ARID1A: variants seen among roughly 807,000 people sequenced by gnomAD.
ARID1A encodes AT-rich interaction domain 1A.
A neutral mutation model predicts 212.6 loss-of-function variants in ARID1A; 20 were observed. The ratio of observed to expected loss-of-function variants is 0.09; its 90% CI spans 0.07 to 0.14. The LOEUF (loss-of-function observed/expected upper bound fraction) is 0.14, where lower values mean the gene tolerates loss of function less well. Ranked by LOEUF, ARID1A falls within the 10% of genes least tolerant of loss-of-function variation. The pLI is 1.00. For synonymous variants in ARID1A, 1,376 were observed against 1,222.1 expected, an observed-to-expected ratio of 1.13 and a Z score of -2.63; for missense variants, 2,587 against 3,059.0, an observed-to-expected ratio of 0.85 and a Z score of 3.64.
Position 26,780,115 on chromosome 1 carries a change from C to T in ARID1A, c.6217C>T (p.Leu2073=), listed in dbSNP as rs2124146910. 1.9e-6 allele frequency: 3 copies of T among 1,614,158 alleles called. No individual in the cohort carries two copies. The highest frequency in any genetic ancestry group is 2.5e-6 in the Non-Finnish European group (3 of 1,180,038). The change falls in exon 20 of 20, where the codon CTA becomes TTA. Residue 2073 remains leucine, a synonymous_variant. Transcript: ENST00000324856. This position sits in a 1 kb window ranked among gnomAD's most constrained non-coding sequence, Gnocchi z 7.2. ...CGCCAACATCTCGGGGCAGTTGGAC[C>T]TATCTCCATACCCCGAGAGCATTTG... ...TLANISGQLD[L]SPYPESICLP... is the part of the protein sequence containing the mutation.
At chr1:26,715,246 A>C (rs1279449382) in intron 1 of ARID1A, among the ~76,000 whole-genome samples, 3 of 152,126 alleles carry the variant, frequency 2.0e-5, no homozygotes, top group African/African-American at 7.2e-5. Flanking sequence ...AAGAGGGAGG[A>C]GTATTTTAGA....
In ARID1A at chr1:26,767,882, T is replaced by C. The variant is rs200853803; in HGVS notation, c.3081T>C (p.Tyr1027=). The change falls in exon 11 of 20, where the codon TAT becomes TAC. Residue 1027 remains tyrosine (Y), a synonymous_variant. Coordinates refer to ENST00000324856, the MANE Select transcript of ARID1A (RefSeq NM_006015.6). ...AGAGGAAGATGTGGGTGGACCGTTATCTGGCCTTCACTGAGGAGAAGGCCA... is the reference window on the plus strand; with the variant it reads ...AGAGGAAGATGTGGGTGGACCGTTACCTGGCCTTCACTGAGGAGAAGGCCA... ...EPERKMWVDR[Y]LAFTEEKAMG... The C allele has an allele frequency of 2.6e-5, 42 of 1,614,190 alleles. No individual in the cohort carries two copies. In the East Asian group the frequency reaches 3.1e-4, roughly 12 times the overall value.
intron 19 of ARID1A, chr1:26,778,804 A>T (rs886180308): frequency 2.3e-6 from 1 of 426,822 alleles, no homozygotes; most frequent in African/African-American, 2.0e-5. Context: ...GTTCCTGGAG[A>T]TAGGCTTACG....
Position 26,760,978 on chromosome 1 carries a change from C to T in ARID1A, c.2043C>T (p.Phe681=). 1 of 1,614,084 alleles carries T rather than the reference C, an allele frequency of 6.2e-7. No individual in the cohort carries two copies. The highest frequency in any genetic ancestry group is 8.5e-7 in the Non-Finnish European group (1 of 1,180,024). Residue 681 remains phenylalanine, a synonymous_variant, in exon 5 of 20, where the codon TTC becomes TTT. Coordinates refer to ENST00000324856, the MANE Select transcript of ARID1A (RefSeq NM_006015.6). ...AGAGTAATCCAGCTCAGTCTCCTTTCTCTCCTCATACCTCCCCTCACCTGC... is the reference window on the plus strand; with the variant it reads ...AGAGTAATCCAGCTCAGTCTCCTTTTTCTCCTCATACCTCCCCTCACCTGC... The part of the protein sequence containing the change: ...GEQSNPAQSP[F]SPHTSPHLPG...
chr1:26,752,308 G>A (rs1000630648), intron 4 of ARID1A, among the ~76,000 whole-genome samples: 2 of 152,194 alleles, frequency 1.3e-5, no homozygotes, highest in East Asian at 1.9e-4. Context: ...TTAATCTGTT[G>A]GATTGAGACC....
In ARID1A at chr1:26,779,476, G is replaced by A. The variant is rs781684543; in HGVS notation, c.5578G>A (p.Glu1860Lys). Residue 1860 changes from glutamate (E) to lysine (K), a missense_variant, in exon 20 of 20, where the codon GAG becomes AAG. Physicochemically the swap from Glu to Lys is moderately conservative, Grantham distance 56 (BLOSUM62 1). Around this residue, in one of 11 missense-constraint regions of ARID1A, gnomAD observed 890 missense variants for 1,098.2 expected, o/e 0.81. Transcript: ENST00000324856. ...CACTGAGCATATCCAGACCCACTTC[G>A]AGAGCAAGACAGAGCTGCTGCCTTC... ...DTTEHIQTHFESKTELLPSRP... is the reference protein window; with the variant it reads ...DTTEHIQTHFKSKTELLPSRP... 3.7e-6 allele frequency: 6 copies of A among 1,614,078 alleles called. No homozygotes were observed. The highest frequency in any genetic ancestry group is 1.7e-5 in the Admixed American group (1 of 60,010).
rs2124153729 is a variant in ARID1A at position 26,780,752 on chromosome 1, C to A, written c.6854C>A (p.Ser2285Ter). 1.9e-6 allele frequency: 3 copies of A among 1,558,824 alleles called. No individual in the cohort carries two copies. Among genetic ancestry groups the A allele is most frequent in the South Asian group, 2.3e-5 (2 of 85,956 alleles). The stretch of plus-strand genomic sequence containing the variant: ...GATGTACTGTTTTTGATTGGCCAGT[C>A]ATGACAGCCGTGGGACACCTCCCCC... ...ICDVLFLIGQ[S>*] The change falls in exon 20 of 20, where the codon TCA becomes TAA. Residue 2285 changes from serine to a stop codon, truncating the protein, a stop_gained. Coordinates refer to ENST00000324856, the MANE Select transcript of ARID1A (RefSeq NM_006015.6). LOFTEE classifies it high-confidence loss of function. The surrounding 1 kb of genome is among the most constrained non-coding windows in gnomAD (Gnocchi z 7.2).
rs141670393 is a variant in ARID1A at position 26,774,878 on chromosome 1, C to T, written c.4651C>T (p.Arg1551Cys). Residue 1551 changes from arginine to cysteine, a missense_variant, in exon 18 of 20, where the codon CGC (arginine) becomes TGC (cysteine). Arg to Cys is a radical substitution (Grantham distance 180). This residue lies in a region of ARID1A where 890 missense variants were observed against 1,098.2 expected (regional missense o/e 0.81). Coordinates refer to ENST00000324856, the MANE Select transcript of ARID1A (RefSeq NM_006015.6). The surrounding 1 kb of genome is among the most constrained non-coding windows in gnomAD (Gnocchi z 5.6). ...HEGSWPSHGT[R>C]QPPYGPSAPV... ...AGGCTCGTGGCCTTCCCATGGCACA[C>T]GCCAGCCCCCATATGGTCCCTCTGC... is the stretch of plus-strand genomic sequence containing the variant. The T allele has an allele frequency of 1.9e-6, 3 of 1,592,194 alleles. No homozygotes were observed. The highest frequency in any genetic ancestry group is 2.6e-6 in the Non-Finnish European group (3 of 1,167,648).
intron 4 of ARID1A, among the ~76,000 whole-genome samples, chr1:26,738,876 GTT>G (rs35110787): frequency 0.01 from 1,182 of 116,596 alleles, 8 homozygotes; most frequent in African/African-American, 0.036. Flanking sequence ...CTTTTCTTTT[GTT>G]TTTTTTTTTT....
At chr1:26,777,682 C>A (rs1051225915) in intron 19 of ARID1A, among the ~76,000 whole-genome samples, 2 of 151,726 alleles carry the variant, frequency 1.3e-5, no homozygotes, top group Non-Finnish European at 2.9e-5. Flanking sequence ...CCTGTAATCC[C>A]AGCACTTCAG....
At chr1:26,725,142 A>G (rs1438873067) in intron 1 of ARID1A, among the ~76,000 whole-genome samples, 2 of 152,080 alleles carry the variant, frequency 1.3e-5, no homozygotes, top group Non-Finnish European at 2.9e-5. Context: ...GTGGTTTCCC[A>G]TTGAAAGGAT....
chr1:26,699,705 C>T (rs1413901514), intron 1 of ARID1A, among the ~76,000 whole-genome samples: 1 of 152,054 alleles, frequency 6.6e-6, no homozygotes, highest in Non-Finnish European at 1.5e-5. Flanking sequence ...CCTCTCATTC[C>T]CCTTGTTTTG....
At chr1:26,764,573 C>T (rs1417695949) in intron 8 of ARID1A, 2 of 152,122 alleles carry the variant, frequency 1.3e-5, no homozygotes, top group African/African-American at 4.8e-5. Context: ...CTAAATCTTA[C>T]TGAGTTGTTG....
chr1:26,754,165 T>A (rs2080908476), intron 4 of ARID1A, among the ~76,000 whole-genome samples: 1 of 152,208 alleles, frequency 6.6e-6, no homozygotes, highest in African/African-American at 2.4e-5. Context: ...TTAGGAACAT[T>A]GAGGTCTGAC....
At chr1:26,718,194 C>T (rs1247254390) in intron 1 of ARID1A, among the ~76,000 whole-genome samples, 3 of 152,138 alleles carry the variant, frequency 2.0e-5, no homozygotes, top group Non-Finnish European at 4.4e-5. Context: ...AGGCTGGTCT[C>T]GAACTCCCGA....
In ARID1A at chr1:26,781,618, T is replaced by C. The variant is rs1570624620; in HGVS notation, c.*862T>C. ...GGCTACGCTGCCACGTGTGTATATATATGACGTTGTACATTGCACATACCC... is the reference window on the plus strand; with the variant it reads ...GGCTACGCTGCCACGTGTGTATATACATGACGTTGTACATTGCACATACCC... On this transcript the variant is annotated 3_prime_UTR_variant, in exon 20 of 20. Coordinates refer to ENST00000324856, the MANE Select transcript of ARID1A (RefSeq NM_006015.6). 3 of 233,706 alleles carry C rather than the reference T, an allele frequency of 1.3e-5. No homozygotes were observed. Among genetic ancestry groups the C allele is most frequent in the African/African-American group, 2.2e-5 (1 of 45,462 alleles). 14.5% of individuals were successfully genotyped at this position (233,706 alleles called of 1,614,324 possible).
chr1:26,749,614 G>A (rs2080867407), intron 4 of ARID1A, among the ~76,000 whole-genome samples: 1 of 152,186 alleles, frequency 6.6e-6, no homozygotes, highest in Non-Finnish European at 1.5e-5. Flanking sequence ...CACCCAGAGG[G>A]TCAGACCTGC....
chr1:26,777,793 C>T (rs368637178), intron 19 of ARID1A, among the ~76,000 whole-genome samples: 1 of 151,876 alleles, frequency 6.6e-6, no homozygotes, highest in Non-Finnish European at 1.5e-5. Flanking sequence ...TTAGGCTGGG[C>T]GCAGTGGCTC....
chr1:26,722,821 C>G (rs1039714776), intron 1 of ARID1A, among the ~76,000 whole-genome samples: 1 of 151,994 alleles, frequency 6.6e-6, no homozygotes, highest in Non-Finnish European at 1.5e-5. Flanking sequence ...TTTTTATTTT[C>G]CTGTCATCAG....
Sources: gnomAD v4.1 joint callset for allele counts (sites outside exome capture counted in the v4.1 genomes callset) on GRCh38, gnomAD v4.1.1 for gene constraint, gnomAD v4.1.1 regional missense constraint, Gnocchi (gnomAD v3.1) non-coding constraint, MANE v1.5 for transcripts, NCBI Gene and HGNC (gene_info 2026-07-23, HGNC 2026-07-21) for gene names.